STAU2: variants seen among roughly 807,000 people sequenced by gnomAD.
STAU2 encodes double-stranded RNA-binding protein Staufen homolog 2.
A neutral mutation model predicts 65.9 loss-of-function variants in STAU2; 20 were observed. The ratio of observed to expected loss-of-function variants is 0.30; its 90% CI spans 0.21 to 0.44. STAU2 has a LOEUF of 0.44. Ranked by LOEUF, STAU2 falls within the 20% of genes least tolerant of loss-of-function variation. The pLI is 1.00. For synonymous variants in STAU2, 232 were observed against 233.9 expected (o/e 0.99, Z 0.07); for missense variants, 558 against 683.9 (o/e 0.82, Z 2.05).
Position 73,687,328 on chromosome 8 carries a change from TAAATATA to T in STAU2, c.274+1319_274+1325del, listed in dbSNP as rs1182463388. Among the ~76,000 whole-genome samples, 5 of 110,160 alleles carry T rather than the reference TAAATATA, an allele frequency of 4.5e-5. No individual in the cohort carries two copies. In the South Asian group the frequency reaches 8.1e-4, roughly 18 times the overall value. 72.3% of individuals were successfully genotyped at this position (110,160 alleles called of 152,430 possible). ...TAAATATAATTTATATTTATATTTA[TAAATATA>T]ATTTATATTTATAATTTATATAATA... is the stretch of plus-strand genomic sequence containing the variant. On this transcript the variant is annotated intron_variant, in intron 5 of 14. Coordinates refer to ENST00000524300, the MANE Select transcript of STAU2 (RefSeq NM_001164380.2).
chr8:73,455,143 T>G (rs578234818), intron 13 of STAU2, among the ~76,000 whole-genome samples: 1 of 152,282 alleles, frequency 6.6e-6, no homozygotes, highest in African/African-American at 2.4e-5. Flanking sequence ...AAGGGCCATC[T>G]GGATCCCATC....
At chr8:73,497,167 T>C (rs115988175) in intron 13 of STAU2, among the ~76,000 whole-genome samples, 272 of 151,830 alleles carry the variant, frequency 1.8e-3, no homozygotes, top group African/African-American at 6.3e-3. Flanking sequence ...TCACAGAAAG[T>C]GGATTACTTC....
chr8:73,574,019 G>A (rs200391185), intron 12 of STAU2, among the ~76,000 whole-genome samples: 1 of 151,992 alleles, frequency 6.6e-6, no homozygotes, highest in Admixed American at 6.6e-5. Context: ...ACAAAGGGCT[G>A]ATATCCAGAA....
chr8:73,567,286 T>C (rs1179861476), intron 12 of STAU2, among the ~76,000 whole-genome samples: 1 of 152,128 alleles, frequency 6.6e-6, no homozygotes, highest in African/African-American at 2.4e-5. Flanking sequence ...GGCGGGCAGA[T>C]CACCTCAGGT....
At position 73,695,956 on chromosome 8, in the gene STAU2, G is replaced by C. The variant is rs79820490; in HGVS notation, c.115-7143C>G. Among the ~76,000 whole-genome samples the C allele has an allele frequency of 8.3e-3, 1,268 of 152,296 alleles. 8 individuals carry two copies. The highest frequency in any genetic ancestry group is 0.011 in the Non-Finnish European group (778 of 68,024). ...AACCCAGGGAAAAACCCGCCACCCT[G>C]AAGGGAAGGGCCTTGGGCAAGGCCA... On this transcript the variant is annotated intron_variant, in intron 4 of 14. Coordinates refer to ENST00000524300, the MANE Select transcript of STAU2 (RefSeq NM_001164380.2).
rs1821275557 is a variant in STAU2 at position 73,494,052 on chromosome 8, G to A, written c.1530+57960C>T. ...GGGCTGAGATTTACTGAAAAGGGAC[G>A]TGAAGGAACTTATTGTGATGATAAC... is the stretch of plus-strand genomic sequence containing the variant. On this transcript the variant is annotated intron_variant, in intron 13 of 14. Coordinates refer to ENST00000524300, the MANE Select transcript of STAU2 (RefSeq NM_001164380.2). Among the ~76,000 whole-genome samples, 4 of 151,860 alleles carry A rather than the reference G, an allele frequency of 2.6e-5. No homozygotes were observed. In the South Asian group the frequency reaches 8.3e-4, roughly 32 times the overall value.
chr8:73,481,196 C>T (rs1003461707), intron 13 of STAU2, among the ~76,000 whole-genome samples: 1 of 152,056 alleles, frequency 6.6e-6, no homozygotes, highest in Admixed American at 6.6e-5. Context: ...TTGTATTAAT[C>T]ATTCCTTTAC....
chr8:73,527,465 T>A, intron 13 of STAU2: 2 of 375,572 alleles, frequency 5.3e-6, no homozygotes, highest in Non-Finnish European at 9.8e-6. Flanking sequence ...AATTCCATAT[T>A]TAAAATAATA....
intron 13 of STAU2, among the ~76,000 whole-genome samples, chr8:73,442,629 C>T (rs1818247367): frequency 1.3e-5 from 2 of 152,268 alleles, no homozygotes; most frequent in South Asian, 4.1e-4. Context: ...TAAATTGTTT[C>T]TAGAAACTGC....
At chr8:73,726,569 C>A (rs1227813461) in intron 3 of STAU2, among the ~76,000 whole-genome samples, 2 of 152,122 alleles carry the variant, frequency 1.3e-5, no homozygotes, top group Non-Finnish European at 2.9e-5. Context: ...GTCCTTCCAC[C>A]CTGTGCTTCA....
intron 6 of STAU2, chr8:73,651,167 C>T: frequency 5.9e-6 from 7 of 1,179,426 alleles, no homozygotes; most frequent in Non-Finnish European, 8.5e-6. Flanking sequence ...GACCAGGCAT[C>T]GGGCCCCGAG....
At chr8:73,668,202 T>C (rs921484887) in intron 6 of STAU2, among the ~76,000 whole-genome samples, 1 of 151,978 alleles carries the variant, frequency 6.6e-6, no homozygotes, top group African/African-American at 2.4e-5. Flanking sequence ...GTATGAAGTA[T>C]AGCAAATGGG....
At chr8:73,583,051 G>A (rs1810108315) in intron 11 of STAU2, among the ~76,000 whole-genome samples, 3 of 151,734 alleles carry the variant, frequency 2.0e-5, no homozygotes, top group South Asian at 4.1e-4. Context: ...TTCTACTTTT[G>A]TCTGATCATG....
chr8:73,640,878 T>A (rs1394752488), intron 6 of STAU2, among the ~76,000 whole-genome samples: 1 of 152,122 alleles, frequency 6.6e-6, no homozygotes, highest in Admixed American at 6.6e-5. Context: ...TAAAACAGTA[T>A]AATCTGCCAA....
chr8:73,557,381 AT>A (rs1388170544), intron 12 of STAU2, among the ~76,000 whole-genome samples: 3 of 152,242 alleles, frequency 2.0e-5, no homozygotes, highest in Admixed American at 6.5e-5. Flanking sequence ...CAGTAACAGT[AT>A]TTGGATGGGT....
chr8:73,697,267 G>A (rs1261583522), intron 4 of STAU2: 1 of 152,070 alleles, frequency 6.6e-6, no homozygotes, highest in African/African-American at 2.4e-5. Flanking sequence ...AGGAGAGTGT[G>A]GCAAGACATA....
intron 13 of STAU2, among the ~76,000 whole-genome samples, chr8:73,496,976 A>G (rs766206350): frequency 2.6e-5 from 4 of 151,800 alleles, no homozygotes; most frequent in African/African-American, 7.2e-5. Context: ...TAATAAAATT[A>G]GCATCAAATT....
At chr8:73,481,747 AAAG>A (rs1820645879) in intron 13 of STAU2, among the ~76,000 whole-genome samples, 1 of 152,162 alleles carries the variant, frequency 6.6e-6, no homozygotes, top group African/African-American at 2.4e-5. Flanking sequence ...TGTGATTCTT[AAAG>A]GTAGGAAATA....
intron 6 of STAU2, among the ~76,000 whole-genome samples, chr8:73,645,674 T>G (rs187000913): frequency 3.9e-5 from 6 of 152,224 alleles, no homozygotes; most frequent in Non-Finnish European, 7.4e-5. Flanking sequence ...TAAGAAGAGT[T>G]TTAATTGGCT....
Sources: gnomAD v4.1 joint callset for allele counts (sites outside exome capture counted in the v4.1 genomes callset) on GRCh38, gnomAD v4.1.1 for gene constraint, MANE v1.5 for transcripts, NCBI Gene and HGNC (gene_info 2026-07-23, HGNC 2026-07-21) for gene names.